The following PKM variants were observed in gnomAD, a reference collection of about 807,000 sequenced individuals.
PKM encodes pyruvate kinase M1/2.
In PKM, 18 loss-of-function variants were observed where a neutral mutation model predicts 49.8. The ratio of observed to expected loss-of-function variants is 0.36; its 90% CI spans 0.25 to 0.54. The LOEUF (loss-of-function observed/expected upper bound fraction) is 0.54. Ranked by LOEUF, PKM falls within the 20% of genes least tolerant of loss-of-function variation. The pLI is 0.89. For missense variants in PKM, 508 were observed against 713.8 expected (o/e 0.71, Z 3.28); for synonymous variants, 239 against 261.8 (o/e 0.91, Z 0.84).
intron 8 of PKM, chr15:72,203,129 T>C: frequency 6.2e-7 from 1 of 1,613,940 alleles, no homozygotes; most frequent in Non-Finnish European, 8.5e-7. Context: ...GACTTGAGGC[T>C]CGCACAAGTT....
At chr15:72,223,011 C>CTT (rs1157298455) in intron 1 of PKM, among the ~76,000 whole-genome samples, 1 of 143,886 alleles carries the variant, frequency 6.9e-6, no homozygotes, top group Non-Finnish European at 1.5e-5. Context: ...CTCCCTCCAA[C>CTT]TTTTTTTTTT....
At chr15:72,208,953 G>A (rs907230372) in intron 5 of PKM, 62 bp from the exon 6 acceptor site, 11 of 1,546,444 alleles carry the variant, frequency 7.1e-6, no homozygotes, top group South Asian at 1.1e-5. Flanking sequence ...CAGGAAGCAG[G>A]CACCTTTCCC....
chr15:72,206,842 C>T lies in PKM; in HGVS notation c.1026G>A (p.Arg342=). Residue 342 remains arginine (R), a synonymous_variant, in exon 8 of 11, where the codon CGG becomes CGA. Coordinates refer to ENST00000335181, the MANE Select transcript of PKM (RefSeq NM_002654.6). ...CATTGGCCACATCACTGCCTTCAGCCCGAGTGGGGCGGGGCTTCTTGATCA... is the reference window on the plus strand; with the variant it reads ...CATTGGCCACATCACTGCCTTCAGCTCGAGTGGGGCGGGGCTTCTTGATCA... ...ESMIKKPRPT[R]AEGSDVANAV... is the part of the protein sequence containing the mutation. The T allele has an allele frequency of 6.2e-7, 1 of 1,614,154 alleles. No individual in the cohort carries two copies. The highest frequency in any genetic ancestry group is 1.1e-5 in the South Asian group (1 of 91,086).
In PKM at chr15:72,207,294, G is replaced by C. The variant is rs3825868; in HGVS notation, c.837-17C>G. 3.6e-3 allele frequency: 5,849 copies of C among 1,613,324 alleles called. 178 individuals carry two copies. In the East Asian group the frequency reaches 0.063, roughly 18 times the overall value. ...TCATCAAACCTGATGGACAAAGTTGGGGGGAGAGAGGTTATATAGAACAGA... is the reference window on the plus strand; with the variant it reads ...TCATCAAACCTGATGGACAAAGTTGCGGGGAGAGAGGTTATATAGAACAGA... On this transcript the variant is annotated splice_polypyrimidine_tract_variant and intron_variant, in intron 6 of 10. Coordinates refer to ENST00000335181, the MANE Select transcript of PKM (RefSeq NM_002654.6).
chr15:72,218,978 G>A lies in PKM; in HGVS notation c.120C>T (p.Ile40=), dbSNP rs1596781596. The change falls in exon 2 of 11, where the codon ATC becomes ATT. Residue 40 remains isoleucine, a synonymous_variant. Coordinates refer to ENST00000335181, the MANE Select transcript of PKM (RefSeq NM_002654.6). ...AGATGATGCCAGTGTTCCGGGCTGT[G>A]ATGGGTGGTGAATCAATGTCCAGGC... is the stretch of plus-strand genomic sequence containing the variant. ...MCRLDIDSPP[I]TARNTGIICT... 1.2e-6 allele frequency: 2 copies of A among 1,614,226 alleles called. No individual in the cohort carries two copies. The highest frequency in any genetic ancestry group is 2.2e-5 in the South Asian group (2 of 91,092).
intron 3 of PKM, 133 bp downstream of exon 3, chr15:72,217,276 A>T (rs2082399114): frequency 7.1e-6 from 5 of 700,018 alleles, no homozygotes; most frequent in Non-Finnish European, 5.2e-6. Context: ...ATGGGCTAGT[A>T]AAGACAAACT....
chr15:72,219,849 A>T (rs1173848518), intron 1 of PKM, among the ~76,000 whole-genome samples: 1 of 152,220 alleles, frequency 6.6e-6, no homozygotes, highest in African/African-American at 2.4e-5. Context: ...TTGCTGGTCA[A>T]ATCTTTTCCC....
chr15:72,211,759 T>C (rs2082259304), intron 3 of PKM, among the ~76,000 whole-genome samples: 1 of 147,552 alleles, frequency 6.8e-6, no homozygotes, highest in African/African-American at 2.5e-5. Context: ...CAGTGAGCCA[T>C]GATCACACCA....
intron 7 of PKM, 121 bp from the exon 8 acceptor site, chr15:72,207,001 G>A (rs2082100158): frequency 4.8e-6 from 7 of 1,472,526 alleles, no homozygotes; most frequent in Non-Finnish European, 5.7e-6. Context: ...TAGGTACATG[G>A]GGGAAGGGGA....
chr15:72,230,391 G>C (rs1418915988), intron 1 of PKM, among the ~76,000 whole-genome samples: 1 of 152,228 alleles, frequency 6.6e-6, no homozygotes, highest in African/African-American at 2.4e-5. Context: ...AGCCTGCTGG[G>C]AGCTGGGAGG....
chr15:72,229,499 G>A (rs1446700654), intron 1 of PKM: 14 of 1,159,060 alleles, frequency 1.2e-5, no homozygotes, highest in African/African-American at 1.6e-5. Flanking sequence ...AAAGGTCCAA[G>A]CCCTGGGTCT....
chr15:72,203,519 T>G, intron 8 of PKM: 1 of 374,788 alleles, frequency 2.7e-6, no homozygotes, highest in South Asian at 2.4e-5. Flanking sequence ...GGCCACTCCC[T>G]GGCAGAGGAC....
At chr15:72,214,668 G>A (rs1291596018) in intron 3 of PKM, among the ~76,000 whole-genome samples, 1 of 152,120 alleles carries the variant, frequency 6.6e-6, no homozygotes. Flanking sequence ...GGTGGCAGGT[G>A]CCTGTAATCT....
chr15:72,210,223 C>T (rs2082214526), intron 4 of PKM, 124 bp downstream of exon 4: 1 of 964,700 alleles, frequency 1.0e-6, no homozygotes, highest in African/African-American at 1.6e-5. Context: ...CATTTGTAGA[C>T]CTCAACTCCT....
At chr15:72,222,348 C>G (rs956147805) in intron 1 of PKM, 3 of 152,132 alleles carry the variant, frequency 2.0e-5, no homozygotes, top group Non-Finnish European at 4.4e-5. Flanking sequence ...AGGCTCTGAC[C>G]TGAAGCCTCC....
chr15:72,215,254 A>G (rs2082350131), intron 3 of PKM, among the ~76,000 whole-genome samples: 1 of 152,182 alleles, frequency 6.6e-6, no homozygotes, highest in Admixed American at 6.6e-5. Context: ...TCCCTCTGTC[A>G]GAGTGAGAGG....
chr15:72,215,726 G>A (rs1406501597), intron 3 of PKM, among the ~76,000 whole-genome samples: 1 of 152,138 alleles, frequency 6.6e-6, no homozygotes, highest in Non-Finnish European at 1.5e-5. Flanking sequence ...CCTACTTAAA[G>A]GTCAACTTCT....
intron 1 of PKM, among the ~76,000 whole-genome samples, chr15:72,222,273 C>T (rs548837768): frequency 6.6e-6 from 1 of 152,196 alleles, no homozygotes; most frequent in Non-Finnish European, 1.5e-5. Context: ...GACTCCAGAT[C>T]TCATGTGTCC....
At chr15:72,206,999 T>C in intron 7 of PKM, 119 bp from the exon 8 acceptor site, 9 of 1,470,974 alleles carry the variant, frequency 6.1e-6, no homozygotes, top group South Asian at 1.1e-5. Context: ...TGTAGGTACA[T>C]GGGGGAAGGG....
Sources: gnomAD v4.1 joint callset for allele counts (sites outside exome capture counted in the v4.1 genomes callset) on GRCh38, gnomAD v4.1.1 for gene constraint, MANE v1.5 for transcripts, NCBI Gene and HGNC (gene_info 2026-07-23, HGNC 2026-07-21) for gene names.